Variants in DST observed in about 807,000 individuals in gnomAD.
DST encodes the protein dystonin.
DST carries 253 observed loss-of-function variants against 875.2 expected under a neutral mutation model. The observed-to-expected ratio is 0.29, with a 90% CI of 0.26 to 0.32. DST has a LOEUF of 0.32. Ranked by LOEUF, DST falls within the 10% of genes least tolerant of loss-of-function variation. The pLI, the probability that DST is intolerant of heterozygous loss-of-function variation, is 1.00. For synonymous variants in DST, 3,124 were observed against 3,197.1 expected (o/e 0.98, Z 0.77); for missense variants, 8,287 against 9,111.6 (o/e 0.91, Z 3.68).
At chr6:56,927,439 T>A (rs1183200330) in intron 2 of DST, among the ~76,000 whole-genome samples, 4 of 152,132 alleles carry the variant, frequency 2.6e-5, no homozygotes, top group African/African-American at 9.7e-5. Flanking sequence ...AAGCCTGACA[T>A]GGATTTCCCT....
chr6:56,557,118 G>A (rs973866130), intron 59 of DST, among the ~76,000 whole-genome samples: 2 of 152,292 alleles, frequency 1.3e-5, no homozygotes, highest in Admixed American at 1.3e-4. Flanking sequence ...AGGCCTCTAA[G>A]ATGCCTTATA....
chr6:56,796,587 G>C (rs2099740137), intron 4 of DST, among the ~76,000 whole-genome samples: 1 of 152,194 alleles, frequency 6.6e-6, no homozygotes, highest in South Asian at 2.1e-4. Flanking sequence ...AGTGTGAAAT[G>C]CTTGTCTCTA....
intron 2 of DST, among the ~76,000 whole-genome samples, chr6:56,948,411 G>A (rs1009899029): frequency 1.3e-5 from 2 of 152,182 alleles, no homozygotes; most frequent in Non-Finnish European, 2.9e-5. Flanking sequence ...TGATAACTGA[G>A]ATGGCCAGAG....
chr6:56,874,635 A>G (rs1778861836), intron 3 of DST, among the ~76,000 whole-genome samples: 1 of 152,232 alleles, frequency 6.6e-6, no homozygotes, highest in African/African-American at 2.4e-5. Context: ...TGACTGTTCC[A>G]GTTTAAATCC....
At chr6:56,901,685 G>T (rs1355945027) in intron 2 of DST, among the ~76,000 whole-genome samples, 2 of 151,990 alleles carry the variant, frequency 1.3e-5, no homozygotes, top group African/African-American at 2.4e-5. Flanking sequence ...ATATATACAT[G>T]TAAAATTCTA....
chr6:56,954,814 C>A lies in DST; in HGVS notation c.-227G>T, dbSNP rs1191340646. ...GCGCTTGCCATGACTCAGCAGACAG[C>A]GACGAGGCTGCGACTCGGCGGCTGG... On this transcript the variant is annotated 5_prime_UTR_variant, in exon 1 of 104. Transcript: ENST00000680361. Among the ~76,000 whole-genome samples the A allele has an allele frequency of 4.0e-5, 6 of 149,760 alleles. No homozygotes were observed. In the East Asian group the frequency reaches 1.2e-3, roughly 29 times the overall value.
intron 103 of DST, 23 bp from the exon 104 acceptor site, chr6:56,459,290 G>A (rs1432189676): frequency 6.2e-7 from 1 of 1,602,856 alleles, no homozygotes; most frequent in South Asian, 1.1e-5. Context: ...GGTAGAGACA[G>A]CTCACCCTTA....
chr6:56,542,181 ATAAGT>A (rs763759355), intron 61 of DST, among the ~76,000 whole-genome samples: 16 of 152,258 alleles, frequency 1.1e-4, no homozygotes, highest in African/African-American at 2.4e-4. Context: ...TCAGAGAAAA[ATAAGT>A]TAAGTCTAAC....
chr6:56,564,034 G>A (rs143320969), intron 55 of DST, among the ~76,000 whole-genome samples: 1 of 152,200 alleles, frequency 6.6e-6, no homozygotes, highest in African/African-American at 2.4e-5. Flanking sequence ...TGTTCTTTTT[G>A]CTTAGGATTG....
chr6:56,468,854 G>A (rs974295002), intron 98 of DST, 128 bp downstream of exon 98: 17 of 687,468 alleles, frequency 2.5e-5, no homozygotes, highest in South Asian at 1.1e-4. Flanking sequence ...GAAACACCAC[G>A]CCAACCAACA....
intron 36 of DST, chr6:56,618,844 C>T (rs1230090755): frequency 1.2e-6 from 2 of 1,614,126 alleles, no homozygotes; most frequent in Admixed American, 1.7e-5. Context: ...GGGTCATCTG[C>T]TCCTCTATGG....
At chr6:56,733,443 A>T (rs978922720) in intron 5 of DST, among the ~76,000 whole-genome samples, 4 of 152,208 alleles carry the variant, frequency 2.6e-5, no homozygotes, top group African/African-American at 9.6e-5. Context: ...CTTCTACACC[A>T]TACGCTCTCA....
At position 56,808,460 on chromosome 6, in the gene DST, A is replaced by G. The variant is rs543948730; in HGVS notation, c.625+42937T>C. On this transcript the variant is annotated intron_variant, in intron 4 of 103. Transcript: ENST00000680361. ...ACTTAATGCAGTGGGAAAAAAATGT[A>G]AAATTCATGTTTTCCATTCTTATTT... is the stretch of plus-strand genomic sequence containing the variant. Among the ~76,000 whole-genome samples, 4 of 152,336 alleles carry G rather than the reference A, an allele frequency of 2.6e-5. No homozygotes were observed. In the East Asian group the frequency reaches 5.8e-4, roughly 22 times the overall value.
At chr6:56,759,716 C>T (rs1290035327) in intron 4 of DST, among the ~76,000 whole-genome samples, 2 of 152,092 alleles carry the variant, frequency 1.3e-5, no homozygotes, top group African/African-American at 2.4e-5. Flanking sequence ...AATAAAGATG[C>T]TGACACAGCC....
In DST at chr6:56,471,291, G is replaced by A. The variant is rs41271858; in HGVS notation, c.22159-23C>T. ...CAGCTAAAAGGACAAAAAGTATTTT[G>A]ATTGAGTTAATGCTGTACTAAAATT... is the stretch of plus-strand genomic sequence containing the variant. On this transcript the variant is annotated intron_variant, in intron 94 of 103. Transcript: ENST00000680361. 1,367 of 1,551,038 alleles carry A rather than the reference G, an allele frequency of 8.8e-4. 1 individual carries two copies. The highest frequency in any genetic ancestry group is 1.1e-3 in the Non-Finnish European group (1,274 of 1,144,108).
At chr6:56,689,541 C>T (rs1248492874) in intron 9 of DST, among the ~76,000 whole-genome samples, 3 of 152,140 alleles carry the variant, frequency 2.0e-5, no homozygotes, top group Non-Finnish European at 4.4e-5. Flanking sequence ...AATTAAATCT[C>T]AAGCAAGGTG....
At chr6:56,908,437 G>C (rs1026868349) in intron 2 of DST, among the ~76,000 whole-genome samples, 6 of 152,242 alleles carry the variant, frequency 3.9e-5, no homozygotes, top group Non-Finnish European at 7.4e-5. Context: ...CATAAACCTG[G>C]TATCATCAAC....
chr6:56,943,753 A>G (rs1817953635), intron 2 of DST, among the ~76,000 whole-genome samples: 1 of 151,850 alleles, frequency 6.6e-6, no homozygotes, highest in Non-Finnish European at 1.5e-5. Flanking sequence ...CATTTTCTAA[A>G]GTGTCTGATC....
intron 69 of DST, among the ~76,000 whole-genome samples, chr6:56,525,902 A>G (rs2096789498): frequency 6.6e-6 from 1 of 152,096 alleles, no homozygotes; most frequent in African/African-American, 2.4e-5. Flanking sequence ...AAAACTTCAC[A>G]TTACCAACAA....
Sources: gnomAD v4.1 joint callset for allele counts (sites outside exome capture counted in the v4.1 genomes callset) on GRCh38, gnomAD v4.1.1 for gene constraint, MANE v1.5 for transcripts, NCBI Gene and HGNC (gene_info 2026-07-23, HGNC 2026-07-21) for gene names.